Variants in RAPGEF6 observed in about 807,000 individuals in gnomAD.
The protein encoded by RAPGEF6 is PDZ domain containing guanine nucleotide exchange factor (GEF) 2.
Under a neutral mutation model 171.4 loss-of-function variants are expected in RAPGEF6, and 56 were observed. That is an observed-to-expected ratio of 0.33 (90% confidence interval 0.26 to 0.41). The LOEUF is 0.41. Among genes scored for constraint, RAPGEF6 ranks in the 10% least tolerant of loss-of-function variants. The pLI, the probability that RAPGEF6 is intolerant of heterozygous loss-of-function variation, is 1.00. For synonymous variants in RAPGEF6, 692 were observed against 650.1 expected (o/e 1.06, Z -0.98); for missense variants, 1,674 against 1,921.4 (o/e 0.87, Z 2.41).
chr5:131,521,496 T>A lies in RAPGEF6; in HGVS notation c.521A>T (p.His174Leu). Reference sequence around the variant, plus strand: ...CTGTGGATGAGGGTTTTCTGTGAGATGCATCTTGGTAAGATCAGCTGGAAG... The same window carrying A: ...CTGTGGATGAGGGTTTTCTGTGAGAAGCATCTTGGTAAGATCAGCTGGAAG... ...LSLPADLTKM[H>L]LTENPHPQVT... is the part of the protein sequence containing the mutation. The change falls in exon 7 of 28, where the codon CAT becomes CTT. Residue 174 changes from histidine to leucine, a missense_variant. By Grantham distance (99) the His-to-Leu change is moderately conservative. Coordinates refer to ENST00000509018, the MANE Select transcript of RAPGEF6 (RefSeq NM_016340.6). The A allele has an allele frequency of 6.2e-7, 1 of 1,611,934 alleles. No homozygotes were observed. The highest frequency in any genetic ancestry group is 8.5e-7 in the Non-Finnish European group (1 of 1,178,822).
intron 19 of RAPGEF6, 32 bp downstream of exon 19, chr5:131,461,673 A>G (rs1753944807): frequency 1.9e-6 from 3 of 1,550,214 alleles, no homozygotes; most frequent in Non-Finnish European, 2.6e-6. Flanking sequence ...ACAAAACCAT[A>G]CAGACATTTG....
chr5:131,534,606 G>GTTT (rs66792688), intron 6 of RAPGEF6, among the ~76,000 whole-genome samples: 1,893 of 144,750 alleles, frequency 0.013, 20 homozygotes, highest in Middle Eastern at 0.018. Flanking sequence ...GCACCAATGT[G>GTTT]TTTTTTTTTT....
chr5:131,600,748 C>T (rs1171962020), intron 3 of RAPGEF6, among the ~76,000 whole-genome samples: 1 of 152,054 alleles, frequency 6.6e-6, no homozygotes, highest in East Asian at 1.9e-4. Flanking sequence ...ATCTTGAATT[C>T]TACCTCACAT....
rs539323813 is a variant in RAPGEF6 at position 131,490,710 on chromosome 5, G to A, written c.1732-1056C>T. 5.9e-4 allele frequency among the ~76,000 whole-genome samples: 90 copies of A among 152,254 alleles called. 1 individual carries two copies. The highest frequency in any genetic ancestry group is 8.2e-4 in the Non-Finnish European group (56 of 68,018). On this transcript the variant is annotated intron_variant, in intron 14 of 27. Coordinates refer to ENST00000509018, the MANE Select transcript of RAPGEF6 (RefSeq NM_016340.6). ...CTCTATTGAACACAAGTATCTTCAG[G>A]AAGGCAAGAACATATAATACTGTAT...
intron 14 of RAPGEF6, among the ~76,000 whole-genome samples, chr5:131,491,155 C>G (rs1463682260): frequency 6.6e-6 from 1 of 152,100 alleles, no homozygotes; most frequent in Non-Finnish European, 1.5e-5. Flanking sequence ...TTAGACATTC[C>G]TAATGAGTAG....
chr5:131,502,498 T>C (rs1172078319), intron 11 of RAPGEF6, among the ~76,000 whole-genome samples: 1 of 152,136 alleles, frequency 6.6e-6, no homozygotes, highest in Non-Finnish European at 1.5e-5. Context: ...GGACAACAGG[T>C]TGACATTGTG....
chr5:131,524,685 G>A (rs1282570771), intron 6 of RAPGEF6, among the ~76,000 whole-genome samples: 4 of 151,480 alleles, frequency 2.6e-5, no homozygotes, highest in African/African-American at 4.9e-5. Context: ...GCGCAATCTC[G>A]GCTCACTGCA....
chr5:131,548,037 A>G lies in RAPGEF6; in HGVS notation c.495+10T>C. The G allele has an allele frequency of 1.9e-6, 3 of 1,612,664 alleles. No homozygotes were observed. Among genetic ancestry groups the G allele is most frequent in the Non-Finnish European group, 2.5e-6 (3 of 1,179,270 alleles). ...AGGAAGATTCATGAAGTGTTCCTAA[A>G]TATACTCACAGAAAGATAGCTGTTA... is the stretch of plus-strand genomic sequence containing the variant. On this transcript the variant is annotated intron_variant, in intron 6 of 27. Coordinates refer to ENST00000509018, the MANE Select transcript of RAPGEF6 (RefSeq NM_016340.6).
Position 131,446,501 on chromosome 5 carries a change from C to T in RAPGEF6, c.3403G>A (p.Glu1135Lys). Residue 1135 changes from glutamate to lysine, a missense_variant, in exon 22 of 28, where the codon GAG becomes AAG. Glu to Lys is a moderately conservative substitution (Grantham distance 56, BLOSUM62 1). This residue lies in a region of RAPGEF6 where 552 missense variants were observed against 574.2 expected (regional missense o/e 0.96). Coordinates refer to ENST00000509018, the MANE Select transcript of RAPGEF6 (RefSeq NM_016340.6). ...EKFQMMSLQW[E>K]PAYGTLTKNL... Reference sequence around the variant, plus strand: ...TACTCACAGGTACCATATGCAGGCTCCCACTGTAATGACATCATCTGGAAC... The same window carrying T: ...TACTCACAGGTACCATATGCAGGCTTCCACTGTAATGACATCATCTGGAAC... 1.2e-6 allele frequency: 2 copies of T among 1,614,060 alleles called. No individual in the cohort carries two copies. The highest frequency in any genetic ancestry group is 2.7e-5 in the African/African-American group (2 of 75,062).
intron 16 of RAPGEF6, among the ~76,000 whole-genome samples, chr5:131,475,563 T>C (rs1320817870): frequency 6.6e-6 from 1 of 152,136 alleles, no homozygotes; most frequent in African/African-American, 2.4e-5. Flanking sequence ...ATTGTTACAA[T>C]GAATAACACA....
At chr5:131,577,667 C>T (rs1762685731) in intron 4 of RAPGEF6, among the ~76,000 whole-genome samples, 1 of 152,168 alleles carries the variant, frequency 6.6e-6, no homozygotes, top group South Asian at 2.1e-4. Context: ...CCTACTTAGT[C>T]ATCTACAGTA....
rs937106701 is a variant in RAPGEF6, at chr5:131,425,155, G to A, written c.*2111C>T. 6.6e-6 allele frequency: 1 copy of A among 152,334 alleles called. No individual in the cohort carries two copies. Among genetic ancestry groups the A allele is most frequent in the East Asian group, 1.9e-4 (1 of 5,334 alleles). 9.4% of individuals were successfully genotyped at this position (152,334 alleles called of 1,614,324 possible). ...GATAAAACAAAGGCAGCTGTAAGGT[G>A]CAAGTCCAAAACCATAGGCCTCAAC... On this transcript the variant is annotated 3_prime_UTR_variant, in exon 28 of 28. Transcript: ENST00000509018.
intron 7 of RAPGEF6, among the ~76,000 whole-genome samples, chr5:131,513,938 G>C (rs1757908237): frequency 6.6e-6 from 1 of 152,156 alleles, no homozygotes; most frequent in South Asian, 2.1e-4. Flanking sequence ...TGAGGTGGGA[G>C]GATTGCTTAA....
chr5:131,534,923 C>G (rs1337642293), intron 6 of RAPGEF6, among the ~76,000 whole-genome samples: 2 of 152,030 alleles, frequency 1.3e-5, no homozygotes, highest in African/African-American at 2.4e-5. Flanking sequence ...TTAATGCACA[C>G]CTTTCCCCCT....
At chr5:131,542,637 C>T (rs1437068076) in intron 6 of RAPGEF6, among the ~76,000 whole-genome samples, 1 of 152,152 alleles carries the variant, frequency 6.6e-6, no homozygotes, top group Non-Finnish European at 1.5e-5. Flanking sequence ...TGAGTGCTTA[C>T]AGGCACATAA....
intron 5 of RAPGEF6, among the ~76,000 whole-genome samples, chr5:131,557,116 T>G (rs1352192056): frequency 6.6e-6 from 1 of 152,214 alleles, no homozygotes; most frequent in African/African-American, 2.4e-5. Context: ...TCTTCCCTTA[T>G]GTGACATATG....
chr5:131,603,378 T>C (rs934377888), intron 2 of RAPGEF6, 51 bp from the exon 3 acceptor site: 1 of 1,247,162 alleles, frequency 8.0e-7, no homozygotes, highest in African/African-American at 1.5e-5. Context: ...TTTTTAAAAT[T>C]GTTATAATTT....
intron 1 of RAPGEF6, among the ~76,000 whole-genome samples, chr5:131,627,307 G>A (rs561874005): frequency 5.3e-5 from 8 of 152,306 alleles, no homozygotes; most frequent in Admixed American, 5.2e-4. Context: ...ATAATCCTAG[G>A]AGGCATTAGC....
At chr5:131,517,815 ACACACAC>A (rs1161501918) in intron 7 of RAPGEF6, among the ~76,000 whole-genome samples, 2 of 147,874 alleles carry the variant, frequency 1.4e-5, no homozygotes, top group South Asian at 2.1e-4. Context: ...ACACACACAC[ACACACAC>A]AAAATTTAGT....
Sources: gnomAD v4.1 joint callset for allele counts (sites outside exome capture counted in the v4.1 genomes callset) on GRCh38, gnomAD v4.1.1 for gene constraint, gnomAD v4.1.1 regional missense constraint, MANE v1.5 for transcripts, NCBI Gene and HGNC (gene_info 2026-07-23, HGNC 2026-07-21) for gene names.